Variants in RNF146 observed in about 807,000 individuals in gnomAD.
RNF146 encodes the protein E3 ubiquitin-protein ligase RNF146.
RNF146 carries 11 observed loss-of-function variants against 29.7 expected under a neutral mutation model. The ratio of observed to expected loss-of-function variants is 0.37; its 90% CI spans 0.23 to 0.61. The LOEUF (loss-of-function observed/expected upper bound fraction) is 0.61. Among genes scored for constraint, RNF146 ranks in the 20% least tolerant of loss-of-function variants. RNF146 has a pLI of 0.66. For synonymous variants in RNF146, 150 were observed against 159.7 expected, an observed-to-expected ratio of 0.94 and a Z score of 0.46; for missense variants, 342 against 438.9, an observed-to-expected ratio of 0.78 and a Z score of 1.97.
chr6:127,268,749 A>G (rs775893066), intron 1 of RNF146, among the ~76,000 whole-genome samples: 50 of 152,336 alleles, frequency 3.3e-4, no homozygotes, highest in South Asian at 1.4e-3. Context: ...TCTTTTAGAC[A>G]AGAGAAGAAA....
At chr6:127,285,446 A>G (rs1330333568) in intron 2 of RNF146, 21 of 430,716 alleles carry the variant, frequency 4.9e-5, no homozygotes, top group Admixed American at 6.5e-5. Flanking sequence ...TAAGCTTTCA[A>G]TCTCTGACAT....
chr6:127,280,181 C>T (rs1299896552), intron 1 of RNF146, 50 bp from the exon 2 acceptor site: 1 of 684,798 alleles, frequency 1.5e-6, no homozygotes, highest in Non-Finnish European at 2.4e-6. Flanking sequence ...AAGGATTATA[C>T]ATAATTAACT....
chr6:127,268,740 C>CT (rs761254184), intron 1 of RNF146, among the ~76,000 whole-genome samples: 7 of 151,952 alleles, frequency 4.6e-5, no homozygotes, highest in Non-Finnish European at 5.9e-5. Context: ...AATAGCTGGT[C>CT]TTTTAGACAA....
At chr6:127,283,954 T>C (rs574858143) in intron 2 of RNF146, among the ~76,000 whole-genome samples, 2 of 151,942 alleles carry the variant, frequency 1.3e-5, no homozygotes, top group African/African-American at 4.8e-5. Context: ...TGCCTTCTCC[T>C]GGGATGATTG....
chr6:127,280,548 A>C, intron 2 of RNF146: 1 of 1,241,592 alleles, frequency 8.1e-7, no homozygotes, highest in Non-Finnish European at 1.0e-6. Context: ...AAAAGTCTCT[A>C]TAAGAAAAAC....
In RNF146 at chr6:127,280,214, C is replaced by G; in HGVS notation, c.-108-17C>G. On this transcript the variant is annotated splice_polypyrimidine_tract_variant and intron_variant, in intron 1 of 2. Coordinates refer to ENST00000368314, the MANE Select transcript of RNF146 (RefSeq NM_001242850.2). ...ACTGATTCTCTTGATCTTAATTACT[C>G]TTTTTTTCTTTTGCAGCACAAAGAA... The G allele has an allele frequency of 1.1e-6, 1 of 900,338 alleles. No individual in the cohort carries two copies. The highest frequency in any genetic ancestry group is 1.7e-6 in the Non-Finnish European group (1 of 576,410). 55.8% of individuals were successfully genotyped at this position (900,338 alleles called of 1,614,324 possible).
intron 2 of RNF146, among the ~76,000 whole-genome samples, chr6:127,281,592 A>G (rs1170606961): frequency 6.6e-6 from 1 of 151,760 alleles, no homozygotes; most frequent in Admixed American, 6.6e-5. Flanking sequence ...GAGGAGGGAA[A>G]CAGCTGCCTA....
At chr6:127,269,680 A>G (rs1392561178) in intron 1 of RNF146, among the ~76,000 whole-genome samples, 1 of 152,198 alleles carries the variant, frequency 6.6e-6, no homozygotes, top group Non-Finnish European at 1.5e-5. Context: ...GATGAGGGCT[A>G]AAAATTGAGA....
chr6:127,267,846 A>G (rs1248251332), intron 1 of RNF146, among the ~76,000 whole-genome samples: 1 of 152,070 alleles, frequency 6.6e-6, no homozygotes, highest in Non-Finnish European at 1.5e-5. Context: ...TCCCGTCTGA[A>G]GGAGTGTGGG....
intron 1 of RNF146, among the ~76,000 whole-genome samples, chr6:127,267,292 G>C (rs182445468): frequency 1.1e-4 from 17 of 152,304 alleles, no homozygotes; most frequent in African/African-American, 4.1e-4. Flanking sequence ...GTCCGGGTGC[G>C]AGGGGCGGAG....
In RNF146 at chr6:127,287,780, T is replaced by C. The variant is rs1779727371; in HGVS notation, c.*87T>C. On this transcript the variant is annotated 3_prime_UTR_variant, in exon 3 of 3. Transcript: ENST00000368314. ...ATAACATTATACTCATCCCTAGTAG[T>C]GCATTTTGGGAGTTGGGGTGGGAAG... The C allele has an allele frequency of 2.4e-6, 2 of 822,320 alleles. No individual in the cohort carries two copies. Among genetic ancestry groups the C allele is most frequent in the Non-Finnish European group, 4.0e-6 (2 of 506,084 alleles). 50.9% of individuals were successfully genotyped at this position (822,320 alleles called of 1,614,324 possible). A position where few individuals can be genotyped will look rare whatever the true frequency, so the allele number is the denominator to read the frequency against.
rs1221815030 is a variant in RNF146 at position 127,287,602 on chromosome 6, G to T, written c.989G>T (p.Gly330Val). The change falls in exon 3 of 3, where the codon GGA becomes GTA. Residue 330 changes from glycine to valine, a missense_variant. Gly to Val is a moderately radical substitution (Grantham distance 109). Transcript: ENST00000368314. ...GTACCCGATCGATCAGATCGATCGG[G>T]AACTGATCGATCAGTAGCAGGGGGT... ...QTVPDRSDRSGTDRSVAGGGT... is the reference protein window; with the variant it reads ...QTVPDRSDRSVTDRSVAGGGT... 11 of 1,612,486 alleles carry T rather than the reference G, an allele frequency of 6.8e-6. No homozygotes were observed. Among genetic ancestry groups the T allele is most frequent in the Non-Finnish European group, 9.3e-6 (11 of 1,179,152 alleles).
At chr6:127,275,603 C>A (rs536985349) in intron 1 of RNF146, among the ~76,000 whole-genome samples, 2 of 152,124 alleles carry the variant, frequency 1.3e-5, no homozygotes, top group East Asian at 3.9e-4. Context: ...TCAGACTTCA[C>A]AAATGAATTG....
intron 1 of RNF146, among the ~76,000 whole-genome samples, chr6:127,275,126 CAT>C (rs1778024387): frequency 6.6e-6 from 1 of 152,142 alleles, no homozygotes; most frequent in South Asian, 2.1e-4. Context: ...AGTGAAGAAT[CAT>C]AAGCTTTATT....
intron 1 of RNF146, among the ~76,000 whole-genome samples, chr6:127,271,173 A>G (rs917374315): frequency 6.6e-6 from 1 of 152,206 alleles, no homozygotes. Context: ...AAAACAATAT[A>G]TAATACAACA....
chr6:127,276,378 G>A (rs1333307574), intron 1 of RNF146, among the ~76,000 whole-genome samples: 1 of 151,966 alleles, frequency 6.6e-6, no homozygotes, highest in African/African-American at 2.4e-5. Context: ...GTTGGGGTGG[G>A]GGAGCAGGGG....
At chr6:127,279,769 T>G in intron 1 of RNF146, among the ~76,000 whole-genome samples, 1 of 151,892 alleles carries the variant, frequency 6.6e-6, no homozygotes, top group East Asian at 1.9e-4. Flanking sequence ...CAGTAATGCT[T>G]TATAGTTTTC....
chr6:127,268,780 A>G (rs1338249565), intron 1 of RNF146, among the ~76,000 whole-genome samples: 1 of 152,208 alleles, frequency 6.6e-6, no homozygotes, highest in African/African-American at 2.4e-5. Flanking sequence ...CTTCTTTTAA[A>G]AGGAGATGTC....
chr6:127,270,982 A>G (rs960807593), intron 1 of RNF146, among the ~76,000 whole-genome samples: 11 of 151,740 alleles, frequency 7.2e-5, no homozygotes, highest in African/African-American at 2.7e-4. Flanking sequence ...TGCCCAGCTA[A>G]TTTTTGTATT....
Sources: gnomAD v4.1 joint callset for allele counts (sites outside exome capture counted in the v4.1 genomes callset) on GRCh38, gnomAD v4.1.1 for gene constraint, MANE v1.5 for transcripts, NCBI Gene and HGNC (gene_info 2026-07-23, HGNC 2026-07-21) for gene names.